Variants in CSNK2A1 observed in about 807,000 individuals in gnomAD.
CSNK2A1 encodes the protein casein kinase II subunit alpha.
A neutral mutation model predicts 62.9 loss-of-function variants in CSNK2A1; 10 were observed. That is an observed-to-expected ratio of 0.16 (90% CI 0.10 to 0.27). CSNK2A1 has a LOEUF of 0.27. CSNK2A1 is among the 10% of genes least tolerant of loss of function. The pLI, the probability that CSNK2A1 is intolerant of heterozygous loss-of-function variation, is 1.00. For missense variants in CSNK2A1, 160 were observed against 492.0 expected, an observed-to-expected ratio of 0.33 and a Z score of 6.38; for synonymous variants, 124 against 167.8, an observed-to-expected ratio of 0.74 and a Z score of 2.02.
At chr20:529,267 C>G (rs139223633) in intron 1 of CSNK2A1, among the ~76,000 whole-genome samples, 1 of 151,224 alleles carries the variant, frequency 6.6e-6, no homozygotes, top group African/African-American at 2.4e-5. Flanking sequence ...CTCAAGCAAT[C>G]CTCCCGCCTT....
At chr20:537,456 T>C (rs1400912631) in intron 1 of CSNK2A1, among the ~76,000 whole-genome samples, 3 of 152,068 alleles carry the variant, frequency 2.0e-5, no homozygotes. Flanking sequence ...TGCTTTCACC[T>C]TAAACTTTTT....
chr20:522,367 T>A (rs908724637), intron 2 of CSNK2A1, among the ~76,000 whole-genome samples: 2 of 152,228 alleles, frequency 1.3e-5, no homozygotes, highest in Non-Finnish European at 2.9e-5. Flanking sequence ...GCCCCTGATA[T>A]AATGTGATGA....
At chr20:512,534 C>T (rs528005224) in intron 2 of CSNK2A1, among the ~76,000 whole-genome samples, 5 of 152,238 alleles carry the variant, frequency 3.3e-5, no homozygotes, top group African/African-American at 9.6e-5. Flanking sequence ...CCCATGGTGT[C>T]GGCAGCTAAA....
chr20:523,630 G>A lies in CSNK2A1; in HGVS notation c.-110+4303C>T, dbSNP rs554728979. 3.9e-4 allele frequency among the ~76,000 whole-genome samples: 60 copies of A among 152,220 alleles called. 1 individual carries two copies. The South Asian group carries it at 9.5e-3, about 24-fold the overall frequency. On this transcript the variant is annotated intron_variant, in intron 2 of 13. Coordinates refer to ENST00000217244, the MANE Select transcript of CSNK2A1 (RefSeq NM_177559.3). Reference sequence around the variant, plus strand: ...AGTGAGGTTGGGCACGGTGGCTCACGCCTGTAATCCCAGCACTTTGGGAGG... The same window carrying A: ...AGTGAGGTTGGGCACGGTGGCTCACACCTGTAATCCCAGCACTTTGGGAGG...
intron 1 of CSNK2A1, among the ~76,000 whole-genome samples, chr20:536,752 G>A (rs2019338330): frequency 6.6e-6 from 1 of 152,136 alleles, no homozygotes; most frequent in Non-Finnish European, 1.5e-5. Flanking sequence ...AATCTACTAA[G>A]TTGTGGTATG....
chr20:531,569 T>G (rs116096590), intron 1 of CSNK2A1, among the ~76,000 whole-genome samples: 5,371 of 152,260 alleles, frequency 0.035, 118 homozygotes, highest in African/African-American at 0.056. Flanking sequence ...CATGTACATG[T>G]ACATTTTTTT....
At chr20:530,857 G>A (rs768786330) in intron 1 of CSNK2A1, among the ~76,000 whole-genome samples, 105 of 152,088 alleles carry the variant, frequency 6.9e-4, no homozygotes, top group Non-Finnish European at 6.8e-4. Context: ...GGCTGAGGCA[G>A]GCGGATTACC....
Position 474,667 on chromosome 20 carries a change from T to C in CSNK2A1, c.*9294A>G, listed in dbSNP as rs2017812835. The C allele has an allele frequency of 6.6e-6, 1 of 152,216 alleles. No homozygotes were observed. Among genetic ancestry groups the C allele is most frequent in the Non-Finnish European group, 1.5e-5 (1 of 68,038 alleles). The allele number at this position is 152,216 out of a possible 1,614,324, so 9.4% of individuals were successfully genotyped here. A position where few individuals can be genotyped will look rare whatever the true frequency, so the allele number is the denominator to read the frequency against. ...TTCAGTTTTAGGCATTAGTTCCCCTTATAAATGATGAGAGTTTAGAGCTTA... is the reference window on the plus strand; with the variant it reads ...TTCAGTTTTAGGCATTAGTTCCCCTCATAAATGATGAGAGTTTAGAGCTTA... On this transcript the variant is annotated 3_prime_UTR_variant, in exon 14 of 14. Coordinates refer to ENST00000217244, the MANE Select transcript of CSNK2A1 (RefSeq NM_177559.3).
At chr20:532,040 T>G (rs2019223072) in intron 1 of CSNK2A1, among the ~76,000 whole-genome samples, 1 of 152,242 alleles carries the variant, frequency 6.6e-6, no homozygotes. Context: ...AGAGGTACCT[T>G]AAAATGGCTT....
intron 1 of CSNK2A1, among the ~76,000 whole-genome samples, chr20:528,910 G>A (rs569216109): frequency 6.6e-6 from 1 of 152,330 alleles, no homozygotes; most frequent in South Asian, 2.1e-4. Context: ...CTGTTCTACA[G>A]CAAGGGACTG....
At chr20:508,421 G>C (rs1342938290) in intron 3 of CSNK2A1, 30 bp downstream of exon 3, 2 of 1,609,518 alleles carry the variant, frequency 1.2e-6, no homozygotes, top group African/African-American at 2.7e-5. Context: ...CCCTTTGAGT[G>C]AGTATAATGA....
intron 2 of CSNK2A1, among the ~76,000 whole-genome samples, chr20:523,869 A>AAAAAAAAAC (rs1568553058): frequency 6.6e-6 from 1 of 150,662 alleles, no homozygotes; most frequent in Non-Finnish European, 1.5e-5. Context: ...AAAAAAAAAA[A>AAAAAAAAAC]AAAAAAAAAA....
intron 6 of CSNK2A1, chr20:498,408 A>AT (rs2018390505): frequency 6.9e-6 from 1 of 145,084 alleles, no homozygotes; most frequent in South Asian, 2.2e-4. Context: ...TGCTGCAATC[A>AT]TAACTCACTG....
intron 1 of CSNK2A1, among the ~76,000 whole-genome samples, chr20:531,841 A>G (rs1281005906): frequency 6.6e-6 from 1 of 152,246 alleles, no homozygotes; most frequent in Non-Finnish European, 1.5e-5. Flanking sequence ...AAGATACAGT[A>G]GCATTCAGAG....
chr20:498,973 G>A, intron 6 of CSNK2A1: 1 of 223,610 alleles, frequency 4.5e-6, no homozygotes, highest in Non-Finnish European at 8.8e-6. Context: ...GTGAACGTGT[G>A]TTACTGCCTT....
intron 2 of CSNK2A1, chr20:510,023 T>A (rs1011057343): frequency 6.6e-6 from 1 of 152,306 alleles, no homozygotes. Context: ...TGCAATACTC[T>A]AGACTGTATC....
intron 3 of CSNK2A1, 122 bp from the exon 4 acceptor site, chr20:505,351 GTTTTTTTTTTTTT>G (rs746624346): frequency 4.7e-5 from 11 of 236,168 alleles, no homozygotes; most frequent in East Asian, 1.2e-4. Flanking sequence ...TCCCAAATAG[GTTTTTTTTTTTTT>G]TTTTTTTTTT....
In CSNK2A1 at chr20:478,920, C is replaced by T. The variant is rs961519092; in HGVS notation, c.*5041G>A. 1.8e-4 allele frequency: 30 copies of T among 163,528 alleles called. No homozygotes were observed. The highest frequency in any genetic ancestry group is 7.0e-4 in the African/African-American group (29 of 41,412). 10.1% of individuals were successfully genotyped at this position (163,528 alleles called of 1,614,324 possible). ...CTAGCCTGGGTAACAGAGCAAGACC[C>T]GTATCAAAAAACAAAACAAACAAAA... On this transcript the variant is annotated 3_prime_UTR_variant, in exon 14 of 14. Coordinates refer to ENST00000217244, the MANE Select transcript of CSNK2A1 (RefSeq NM_177559.3).
At chr20:522,327 C>T (rs570324286) in intron 2 of CSNK2A1, among the ~76,000 whole-genome samples, 116 of 152,352 alleles carry the variant, frequency 7.6e-4, no homozygotes, top group South Asian at 4.6e-3. Flanking sequence ...ACTGAAATAT[C>T]ACTAGTGTTA....
Sources: gnomAD v4.1 joint callset for allele counts (sites outside exome capture counted in the v4.1 genomes callset) on GRCh38, gnomAD v4.1.1 for gene constraint, MANE v1.5 for transcripts, NCBI Gene and HGNC (gene_info 2026-07-23, HGNC 2026-07-21) for gene names.